Variants in NXPE1 observed in about 807,000 individuals in gnomAD.
NXPE1 encodes the protein NXPE family member 1.
Under a neutral mutation model 33.3 loss-of-function variants are expected in NXPE1, and 31 were observed. The observed-to-expected ratio is 0.93, with a 90% CI of 0.70 to 1.26. The LOEUF (loss-of-function observed/expected upper bound fraction) is 1.26, where lower values mean the gene tolerates loss of function less well. NXPE1 is among the 50% of genes most tolerant of loss of function. The probability of loss-of-function intolerance (pLI) is 0.00; values close to 1 mark genes in which losing one functional copy is unlikely to be tolerated. For synonymous variants in NXPE1, 229 were observed against 231.4 expected (o/e 0.99, Z 0.09); for missense variants, 661 against 655.6 (o/e 1.01, Z -0.09).
Position 114,530,096 on chromosome 11 carries a change from A to G in NXPE1, c.833+79T>C, listed in dbSNP as rs1055324940. 6 of 1,404,718 alleles carry G rather than the reference A, an allele frequency of 4.3e-6. No individual in the cohort carries two copies. In the African/African-American group the frequency reaches 5.8e-5, roughly 13 times the overall value. 87.0% of individuals were successfully genotyped at this position (1,404,718 alleles called of 1,614,324 possible). A position where few individuals can be genotyped will look rare whatever the true frequency, so the allele number is the denominator to read the frequency against. On this transcript the variant is annotated intron_variant, in intron 6 of 8. Coordinates refer to ENST00000534921, the Ensembl canonical transcript of NXPE1. ...ACAGGAGGCCTCTGAGTCATGCTCAATGTTGCAATGGGCAATGTAGCTCTG... is the reference window on the plus strand; with the variant it reads ...ACAGGAGGCCTCTGAGTCATGCTCAGTGTTGCAATGGGCAATGTAGCTCTG...
intron 1 of NXPE1, 59 bp downstream of exon 1, chr11:114,559,739 C>T (rs1414397141): frequency 6.6e-6 from 1 of 152,284 alleles, no homozygotes; most frequent in Admixed American, 6.6e-5. Flanking sequence ...CTGCCCTCCA[C>T]TGACCACTGG....
chr11:114,549,262 C>T (rs1948385608), intron 5 of NXPE1, among the ~76,000 whole-genome samples: 1 of 151,950 alleles, frequency 6.6e-6, no homozygotes, highest in Non-Finnish European at 1.5e-5. Context: ...GCTTCCAAAT[C>T]AATTCTTACG....
rs949702862 is a variant in NXPE1, at chr11:114,522,474, C to A, written c.1138G>T (p.Gly380Ter). The A allele has an allele frequency of 9.3e-6, 15 of 1,605,776 alleles. No homozygotes were observed. The African/African-American group carries it at 1.9e-4, about 20-fold the overall frequency. ...AGAAGCAAATGTTTCTTAAAGATTC[C>A]AGTTTCATGAAGATCAAAAAACTTC... The change falls in exon 9 of 9, where the codon GGA (glycine) becomes TGA (stop). Residue 380 changes from glycine to a stop codon, truncating the protein, a stop_gained. Transcript: ENST00000534921. LOFTEE classifies it low-confidence loss of function (END_TRUNC).
intron 5 of NXPE1, among the ~76,000 whole-genome samples, chr11:114,532,527 C>T (rs1591268027): frequency 6.6e-6 from 1 of 152,096 alleles, no homozygotes; most frequent in East Asian, 1.9e-4. Context: ...CCACAAGTCA[C>T]AGGCTGAGAT....
At chr11:114,536,730 A>G (rs1426795661) in intron 5 of NXPE1, among the ~76,000 whole-genome samples, 1 of 152,242 alleles carries the variant, frequency 6.6e-6, no homozygotes, top group African/African-American at 2.4e-5. Context: ...AGACAAAACC[A>G]GGAAGAAGTT....
downstream of NXPE1, among the ~76,000 whole-genome samples, chr11:114,521,368 A>G (rs1947207420): frequency 6.6e-6 from 1 of 152,180 alleles, no homozygotes; most frequent in South Asian, 2.1e-4. Context: ...TGCTAAAACT[A>G]ATCTATCTAT....
At chr11:114,556,832 T>A (rs1020151166) in intron 1 of NXPE1, among the ~76,000 whole-genome samples, 1 of 152,026 alleles carries the variant, frequency 6.6e-6, no homozygotes, top group Non-Finnish European at 1.5e-5. Flanking sequence ...TGTAATTTTA[T>A]CTTACTATTT....
chr11:114,531,933 G>A (rs1947601201), intron 5 of NXPE1, among the ~76,000 whole-genome samples: 1 of 152,136 alleles, frequency 6.6e-6, no homozygotes, highest in African/African-American at 2.4e-5. Flanking sequence ...TTAAAAATAT[G>A]CACTCTTAGG....
At chr11:114,530,671 A>G (rs553185320) in exon 6 of NXPE1, 1,159 of 1,614,116 alleles carry the variant, frequency 7.2e-4, no homozygotes, top group Non-Finnish European at 9.2e-4. Context: ...TCTCCCCTGC[A>G]GTATGTATCT....
Position 114,523,099 on chromosome 11 carries a change from CAA to C in NXPE1, c.896-10_896-9del. ...CTTCTATTTTTTCTCTCTCTGGTAA[CAA>C]AGACACTCGTAAATGATTTTATTGG... On this transcript the variant is annotated splice_polypyrimidine_tract_variant and intron_variant, in intron 7 of 8. Transcript: ENST00000534921. The C allele has an allele frequency of 6.3e-7, 1 of 1,596,748 alleles. No individual in the cohort carries two copies. The highest frequency in any genetic ancestry group is 1.1e-5 in the South Asian group (1 of 90,564).
intron 3 of NXPE1, among the ~76,000 whole-genome samples, chr11:114,551,662 C>A (rs1591304662): frequency 6.6e-6 from 1 of 152,050 alleles, no homozygotes; most frequent in Non-Finnish European, 1.5e-5. Flanking sequence ...GTTAACTGGG[C>A]AGGGAGGTGG....
intron 5 of NXPE1, among the ~76,000 whole-genome samples, chr11:114,550,069 T>G (rs1307268353): frequency 1.3e-5 from 2 of 152,048 alleles, no homozygotes; most frequent in Admixed American, 6.6e-5. Context: ...AAAACAAAAT[T>G]GAACAAATGT....
intron 5 of NXPE1, among the ~76,000 whole-genome samples, chr11:114,536,001 A>T (rs1160431398): frequency 3.3e-5 from 5 of 152,144 alleles, no homozygotes; most frequent in Admixed American, 1.3e-4. Flanking sequence ...ACCACACCAA[A>T]CCTATTCCAA....
At chr11:114,521,723 A>T in exon 9 of NXPE1, 1 of 425,828 alleles carries the variant, frequency 2.3e-6, no homozygotes, top group Non-Finnish European at 4.1e-6. Context: ...CATGGCTTTT[A>T]AAAAACTTTT....
At chr11:114,533,728 AGAC>A (rs1224542201) in intron 5 of NXPE1, among the ~76,000 whole-genome samples, 49 of 152,202 alleles carry the variant, frequency 3.2e-4, no homozygotes, top group African/African-American at 1.2e-3. Flanking sequence ...GGCGGCAGCA[AGAC>A]TAGGGGAGGG....
Position 114,529,016 on chromosome 11 carries a change from G to A in NXPE1, c.834-1115C>T, listed in dbSNP as rs113496540. ...ACTATAGATCAGGAGCCAAAACTTGGATAATGAGGTAAGATTCTGGAATGC... is the reference window on the plus strand; with the variant it reads ...ACTATAGATCAGGAGCCAAAACTTGAATAATGAGGTAAGATTCTGGAATGC... On this transcript the variant is annotated intron_variant, in intron 6 of 8. Transcript: ENST00000534921. 6.4e-3 allele frequency: 2,615 copies of A among 410,316 alleles called. 51 individuals are homozygous for A. The highest frequency in any genetic ancestry group is 0.047 in the African/African-American group (2,323 of 49,792). 25.4% of individuals were successfully genotyped at this position (410,316 alleles called of 1,614,324 possible). A position where few individuals can be genotyped will look rare whatever the true frequency, so the allele number is the denominator to read the frequency against.
intron 5 of NXPE1, among the ~76,000 whole-genome samples, chr11:114,545,950 A>G (rs2135079528): frequency 1.3e-5 from 2 of 152,168 alleles, no homozygotes; most frequent in Admixed American, 1.3e-4. Context: ...CGGCCTCCCA[A>G]AGTGCTGGGA....
At chr11:114,556,387 A>C (rs1056481132) in intron 1 of NXPE1, among the ~76,000 whole-genome samples, 7 of 152,130 alleles carry the variant, frequency 4.6e-5, no homozygotes, top group Non-Finnish European at 8.8e-5. Context: ...CCTTGGATAC[A>C]CAGAGCTCAG....
intron 5 of NXPE1, among the ~76,000 whole-genome samples, chr11:114,541,194 C>T (rs1053052810): frequency 6.6e-5 from 10 of 152,014 alleles, no homozygotes; most frequent in Admixed American, 1.3e-4. Context: ...AAACGGAATC[C>T]GTGGTTTCCA....
Sources: gnomAD v4.1 joint callset for allele counts (sites outside exome capture counted in the v4.1 genomes callset) on GRCh38, gnomAD v4.1.1 for gene constraint, MANE v1.5 for transcripts, NCBI Gene and HGNC (gene_info 2026-07-23, HGNC 2026-07-21) for gene names.